Variants in RBM23 observed in about 807,000 individuals in gnomAD.
RBM23 encodes the protein probable RNA-binding protein 23.
Under a neutral mutation model 56.2 loss-of-function variants are expected in RBM23, and 53 were observed. The observed-to-expected ratio is 0.94, with a 90% CI of 0.76 to 1.19. The LOEUF is 1.19. Ranked by LOEUF, RBM23 falls within the 50% of genes most tolerant of loss-of-function variation. The probability of loss-of-function intolerance (pLI) is 0.00; values close to 1 mark genes in which losing one functional copy is unlikely to be tolerated. For synonymous variants in RBM23, 197 were observed against 198.5 expected (o/e 0.99, Z 0.06); for missense variants, 642 against 590.3 (o/e 1.09, Z -0.91).
At position 22,905,673 on chromosome 14, in the gene RBM23, A is replaced by T; in HGVS notation, c.402-14T>A. ...CCATACCTATAACTAAAGAATAGAGAAAAACAAAAGGTGAAACCTTATTCT... is the reference window on the plus strand; with the variant it reads ...CCATACCTATAACTAAAGAATAGAGTAAAACAAAAGGTGAAACCTTATTCT... On this transcript the variant is annotated splice_polypyrimidine_tract_variant and intron_variant, in intron 5 of 13. Transcript: ENST00000359890. 1.3e-6 allele frequency: 2 copies of T among 1,593,112 alleles called. No individual in the cohort carries two copies. The highest frequency in any genetic ancestry group is 1.7e-6 in the Non-Finnish European group (2 of 1,161,034).
In RBM23 at chr14:22,911,447, T is replaced by C; in HGVS notation, c.-10-44A>G. 3 of 1,506,656 alleles carry C rather than the reference T, an allele frequency of 2.0e-6. No homozygotes were observed. The South Asian group carries it at 3.4e-5, about 17-fold the overall frequency. 93.3% of individuals were successfully genotyped at this position (1,506,656 alleles called of 1,614,324 possible). On this transcript the variant is annotated intron_variant, in intron 1 of 13. Coordinates refer to ENST00000359890, the MANE Select transcript of RBM23 (RefSeq NM_001077351.2). ...TATGTAAGAATCTGTTTTATATTTT[T>C]CCTCCCTTTCCAGCACCACACATTT...
chr14:22,909,875 G>C (rs1452869971), intron 2 of RBM23, among the ~76,000 whole-genome samples: 2 of 152,098 alleles, frequency 1.3e-5, no homozygotes, highest in African/African-American at 4.8e-5. Flanking sequence ...GTGCTAGGCT[G>C]GGGGCAGTGG....
intron 1 of RBM23, 93 bp from the exon 2 acceptor site, chr14:22,911,496 T>C: frequency 9.9e-7 from 1 of 1,005,518 alleles, no homozygotes; most frequent in Non-Finnish European, 1.5e-6. Flanking sequence ...AGAAAGAGAC[T>C]TCAGGATATA....
chr14:22,902,198 T>C lies in RBM23; in HGVS notation c.1115A>G (p.Lys372Arg), dbSNP rs1423165841. 1 of 1,613,776 alleles carries C rather than the reference T, an allele frequency of 6.2e-7. No individual in the cohort carries two copies. The highest frequency in any genetic ancestry group is 1.7e-5 in the Admixed American group (1 of 60,014). ...SAGGRFQLMA[K>R]LAEGAGIQLP... ...CGGAGATATTTTACCTTCTGCCAGT[T>C]TTGCCATGAGCTGAAAACGTCCACC... is the stretch of plus-strand genomic sequence containing the variant. Residue 372 changes from lysine to arginine, a missense_variant, in exon 11 of 14, where the codon AAA (lysine) becomes AGA (arginine). By Grantham distance (26) the Lys-to-Arg change is conservative. Coordinates refer to ENST00000359890, the MANE Select transcript of RBM23 (RefSeq NM_001077351.2).
chr14:22,894,112 T>C lies in RBM23; in HGVS notation c.*7618A>G. The stretch of plus-strand genomic sequence containing the variant: ...GATCTTTGTAATTTCTCAAGCATTA[T>C]ACAGAGAAGCGGTGGAAGTAGTAAT... On this transcript the variant is annotated 3_prime_UTR_variant, in exon 14 of 14. Transcript: ENST00000359890. 1 of 152,228 alleles carries C rather than the reference T, an allele frequency of 6.6e-6. No homozygotes were observed. Among genetic ancestry groups the C allele is most frequent in the East Asian group, 1.9e-4 (1 of 5,202 alleles). The allele number at this position is 152,228 out of a possible 1,614,324, so 9.4% of individuals were successfully genotyped here. A position where few individuals can be genotyped will look rare whatever the true frequency, so the allele number is the denominator to read the frequency against.
At chr14:22,908,535 G>C (rs1197396229) in intron 3 of RBM23, 155 bp from the exon 4 acceptor site, 2 of 706,066 alleles carry the variant, frequency 2.8e-6, no homozygotes, top group African/African-American at 1.8e-5. Context: ...TGGGATTACA[G>C]GCATGTACCA....
chr14:22,916,851 T>C (rs1470440803), intron 1 of RBM23, among the ~76,000 whole-genome samples: 5 of 152,002 alleles, frequency 3.3e-5, no homozygotes, highest in Admixed American at 1.3e-4. Context: ...TATGGGAAAA[T>C]AGTTCTAAAA....
rs1486365192 is a variant in RBM23 at position 22,893,738 on chromosome 14, GGTGCA to G, written c.*7987_*7991del. 6.6e-6 allele frequency: 1 copy of G among 152,006 alleles called. No individual in the cohort carries two copies. The highest frequency in any genetic ancestry group is 1.5e-5 in the Non-Finnish European group (1 of 68,018). 9.4% of individuals were successfully genotyped at this position (152,006 alleles called of 1,614,324 possible). A position where few individuals can be genotyped will look rare whatever the true frequency, so the allele number is the denominator to read the frequency against. On this transcript the variant is annotated 3_prime_UTR_variant, in exon 14 of 14. Coordinates refer to ENST00000359890, the MANE Select transcript of RBM23 (RefSeq NM_001077351.2). ...AGAAGGCAGCAAAATTTGGGTGGATGGTGCAGTCGTCAAAGGACACAAATGCCGGA... is the reference window on the plus strand; with the variant it reads ...AGAAGGCAGCAAAATTTGGGTGGATGGTCGTCAAAGGACACAAATGCCGGA...
In RBM23 at chr14:22,898,522, G is replaced by A. The variant is rs1198511547; in HGVS notation, c.*3208C>T. Reference sequence around the variant, plus strand: ...CTCTAACCACCTCGTATGGAGGGATGAGTAACAAGAAGGCACTGAGTCACA... The same window carrying A: ...CTCTAACCACCTCGTATGGAGGGATAAGTAACAAGAAGGCACTGAGTCACA... On this transcript the variant is annotated 3_prime_UTR_variant, in exon 14 of 14. Coordinates refer to ENST00000359890, the MANE Select transcript of RBM23 (RefSeq NM_001077351.2). The A allele has an allele frequency of 6.6e-6, 1 of 152,084 alleles. No individual in the cohort carries two copies. The highest frequency in any genetic ancestry group is 2.4e-5 in the African/African-American group (1 of 41,390). The allele number at this position is 152,084 out of a possible 1,614,324, so 9.4% of individuals were successfully genotyped here.
rs1362885851 is a variant in RBM23 at position 22,905,021 on chromosome 14, G to T, written c.727-9C>A. ...AGTCGGTTTTTCTCTGCCTGGGGAA[G>T]GAGGAAATGATGGGTCATGTCCCAC... is the stretch of plus-strand genomic sequence containing the variant. On this transcript the variant is annotated splice_polypyrimidine_tract_variant and intron_variant, in intron 8 of 13. Transcript: ENST00000359890. 6.2e-7 allele frequency: 1 copy of T among 1,614,138 alleles called. No homozygotes were observed. The highest frequency in any genetic ancestry group is 1.1e-5 in the South Asian group (1 of 91,082).
chr14:22,906,000 T>C (rs1484089054), intron 5 of RBM23, 195 bp downstream of exon 5: 3 of 661,562 alleles, frequency 4.5e-6, no homozygotes, highest in Non-Finnish European at 7.6e-6. Flanking sequence ...TCTTCTGGCC[T>C]CAGTCTCCCA....
In RBM23 at chr14:22,898,609, G is replaced by A. The variant is rs1181765712; in HGVS notation, c.*3121C>T. On this transcript the variant is annotated 3_prime_UTR_variant, in exon 14 of 14. Transcript: ENST00000359890. The stretch of plus-strand genomic sequence containing the variant: ...CTTATATGGAGTAAGACTGGAAATT[G>A]TCTTAGATACGTCCTTACTTCCAAC... 2 of 152,112 alleles carry A rather than the reference G, an allele frequency of 1.3e-5. No homozygotes were observed. The highest frequency in any genetic ancestry group is 3.9e-4 in the East Asian group (2 of 5,162). The allele number at this position is 152,112 out of a possible 1,614,324, so 9.4% of individuals were successfully genotyped here. A position where few individuals can be genotyped will look rare whatever the true frequency, so the allele number is the denominator to read the frequency against.
In RBM23 at chr14:22,909,075, T is replaced by C. The variant is rs548095444; in HGVS notation, c.179+408A>G. ...CTCCTGCCTCAGCCTCCTGAGTAGC[T>C]GGGATTACAGGAGCCTGCCACCGCG... On this transcript the variant is annotated intron_variant, in intron 3 of 13. Coordinates refer to ENST00000359890, the MANE Select transcript of RBM23 (RefSeq NM_001077351.2). Among the ~76,000 whole-genome samples the C allele has an allele frequency of 1.4e-3, 215 of 152,204 alleles. 2 individuals are homozygous for C. The highest frequency in any genetic ancestry group is 4.9e-3 in the African/African-American group (205 of 41,530).
chr14:22,902,529 C>A (rs570841109), intron 10 of RBM23, 147 bp from the exon 11 acceptor site: 1 of 1,392,924 alleles, frequency 7.2e-7, no homozygotes, highest in Non-Finnish European at 9.4e-7. Flanking sequence ...ATGACCTAGG[C>A]CCATCACCTC....
intron 6 of RBM23, 66 bp from the exon 7 acceptor site, chr14:22,905,519 C>T: frequency 1.3e-6 from 2 of 1,595,426 alleles, no homozygotes; most frequent in Non-Finnish European, 1.7e-6. Context: ...AGCTAACCCT[C>T]AAGTATTACA....
chr14:22,905,900 T>C (rs2041458666), intron 5 of RBM23: 1 of 593,586 alleles, frequency 1.7e-6, no homozygotes, highest in East Asian at 2.8e-5. Flanking sequence ...CAGACACACA[T>C]GACCATATCT....
At position 22,908,379 on chromosome 14, in the gene RBM23, TC is replaced by T. The variant is rs756872832; in HGVS notation, c.180del (p.Lys61ArgfsTer98). 1.3e-6 allele frequency: 2 copies of T among 1,548,556 alleles called. No homozygotes were observed. Among genetic ancestry groups the T allele is most frequent in the South Asian group, 2.4e-5 (2 of 84,040 alleles). On this transcript the variant is annotated frameshift_variant and splice_region_variant, in exon 4 of 14. Coordinates refer to ENST00000359890, the MANE Select transcript of RBM23 (RefSeq NM_001077351.2). LOFTEE classifies it high-confidence loss of function. ...SGSSTIGETS[K>X]KKRSRSHNKS... The stretch of plus-strand genomic sequence containing the variant: ...TTATTATGGCTCCGACTCCTCTTCT[TC>T]CTGTGAAAGAGAGTACATTCTTCTT...
chr14:22,918,256 G>A (rs3829408), intron 1 of RBM23, among the ~76,000 whole-genome samples: 1 of 152,040 alleles, frequency 6.6e-6, no homozygotes, highest in African/African-American at 2.4e-5. Context: ...TTAGCCGGGC[G>A]TTGTGGCAGG....
chr14:22,903,508 C>T, intron 10 of RBM23: 4 of 986,138 alleles, frequency 4.1e-6, no homozygotes, highest in Non-Finnish European at 4.8e-6. Context: ...ACTGACAGTT[C>T]CTAGGCAGGT....
Sources: allele counts gnomAD v4.1 joint callset (sites outside exome capture counted in the v4.1 genomes callset), GRCh38; gene constraint gnomAD v4.1.1; transcripts MANE v1.5; gene names NCBI Gene and HGNC (gene_info 2026-07-23, HGNC 2026-07-21).